LINGO1: variants seen among roughly 807,000 people sequenced by gnomAD.
LINGO1 encodes the protein leucine rich repeat and Ig domain containing 1, also known as leucine-rich repeat and immunoglobulin-like domain-containing nogo receptor-interacting protein 1.
A neutral mutation model predicts 37.3 loss-of-function variants in LINGO1; 11 were observed. The observed-to-expected ratio is 0.29, with a 90% CI of 0.19 to 0.49. The LOEUF (loss-of-function observed/expected upper bound fraction) is 0.49, where lower values mean the gene tolerates loss of function less well. Among genes scored for constraint, LINGO1 ranks in the 20% least tolerant of loss-of-function variants. The pLI, the probability that LINGO1 is intolerant of heterozygous loss-of-function variation, is 0.99. For synonymous variants in LINGO1, 387 were observed against 403.0 expected (o/e 0.96, Z 0.48); for missense variants, 585 against 878.2 (o/e 0.67, Z 4.22).
intron 2 of LINGO1, among the ~76,000 whole-genome samples, chr15:77,727,825 A>C (rs1280185596): frequency 2.0e-5 from 3 of 152,088 alleles, no homozygotes; most frequent in African/African-American, 7.2e-5. Context: ...GAGGTGAAGT[A>C]ATTTCCCCAA....
In LINGO1 at chr15:77,644,042, C is replaced by T. The variant is rs370376914; in HGVS notation, c.-12-28142G>A. Among the ~76,000 whole-genome samples, 178 of 152,370 alleles carry T rather than the reference C, an allele frequency of 1.2e-3. 2 individuals are homozygous for T. The highest frequency in any genetic ancestry group is 4.0e-3 in the African/African-American group (168 of 41,582). On this transcript the variant is annotated intron_variant, in intron 3 of 3. Coordinates refer to the LINGO1 transcript ENST00000559893. ...CAGAGCCACGGGGCAGGGCCCGGCA[C>T]TCAGGAGCCCTCCAGGGGAGAGTCC...
intron 3 of LINGO1, among the ~76,000 whole-genome samples, chr15:77,658,817 G>A (rs1307463902): frequency 1.3e-5 from 2 of 149,764 alleles, no homozygotes; most frequent in Non-Finnish European, 3.0e-5. Context: ...AAGATCTGGG[G>A]GGCAACAGAG....
chr15:77,785,891 CACCT>C (rs1388135840), intron 1 of LINGO1, among the ~76,000 whole-genome samples: 1 of 152,186 alleles, frequency 6.6e-6, no homozygotes, highest in Non-Finnish European at 1.5e-5. Flanking sequence ...AGGACCATGT[CACCT>C]ACTCATGATG....
chr15:77,704,015 G>A (rs368928004), intron 2 of LINGO1, among the ~76,000 whole-genome samples: 58 of 152,260 alleles, frequency 3.8e-4, no homozygotes, highest in African/African-American at 1.3e-3. Context: ...GTTTGAGTCC[G>A]GGCTCTCCCA....
chr15:77,804,879 G>A (rs1439877705), intron 1 of LINGO1, among the ~76,000 whole-genome samples: 2 of 152,204 alleles, frequency 1.3e-5, no homozygotes, highest in Non-Finnish European at 2.9e-5. Flanking sequence ...ACAGGAGTGA[G>A]AGGGTTCATT....
At chr15:77,659,130 G>A (rs866821831) in intron 3 of LINGO1, among the ~76,000 whole-genome samples, 18 of 152,172 alleles carry the variant, frequency 1.2e-4, no homozygotes, top group African/African-American at 3.9e-4. Flanking sequence ...GACTTCAGCC[G>A]TAGGGCAATG....
upstream of LINGO1, among the ~76,000 whole-genome samples, chr15:77,639,008 G>A (rs1022692210): frequency 2.0e-5 from 3 of 152,084 alleles, no homozygotes; most frequent in Non-Finnish European, 4.4e-5. Flanking sequence ...TTGCTATGAG[G>A]AGGGCCAGTT....
intron 3 of LINGO1, chr15:77,677,029 A>G (rs1280685584): frequency 1.3e-5 from 2 of 152,306 alleles, no homozygotes. Flanking sequence ...CCTCACACCC[A>G]GAGCCTCCCA....
chr15:77,816,414 C>G (rs926750982), intron 1 of LINGO1, among the ~76,000 whole-genome samples: 18 of 152,348 alleles, frequency 1.2e-4, no homozygotes, highest in Admixed American at 9.8e-4. Context: ...GCCCTCAGCC[C>G]CCACAAAGCT....
intron 1 of LINGO1, among the ~76,000 whole-genome samples, chr15:77,745,679 T>A (rs908690924): frequency 1.3e-5 from 2 of 152,194 alleles, no homozygotes; most frequent in Non-Finnish European, 2.9e-5. Context: ...AATCACCTCA[T>A]ACACAATTGC....
At chr15:77,804,501 G>C (rs933595066) in intron 1 of LINGO1, among the ~76,000 whole-genome samples, 2 of 152,200 alleles carry the variant, frequency 1.3e-5, no homozygotes, top group African/African-American at 4.8e-5. Context: ...AGCACAGGCT[G>C]GATAGGCAGA....
At chr15:77,804,669 G>A (rs1317443034) in intron 1 of LINGO1, among the ~76,000 whole-genome samples, 1 of 152,130 alleles carries the variant, frequency 6.6e-6, no homozygotes, top group Non-Finnish European at 1.5e-5. Flanking sequence ...CCCGGCTCCA[G>A]GCTGGAGGGC....
chr15:77,778,843 T>C (rs2076687027), intron 1 of LINGO1, among the ~76,000 whole-genome samples: 1 of 151,948 alleles, frequency 6.6e-6, no homozygotes, highest in Non-Finnish European at 1.5e-5. Context: ...ATGTCACTCC[T>C]TTGCTAAAAC....
At chr15:77,674,504 C>A (rs1025415733) in intron 3 of LINGO1, among the ~76,000 whole-genome samples, 1 of 152,068 alleles carries the variant, frequency 6.6e-6, no homozygotes, top group Admixed American at 6.6e-5. Flanking sequence ...GGTCCCTGTT[C>A]GGCTGCATGG....
chr15:77,705,223 C>T (rs2075837573), intron 2 of LINGO1, among the ~76,000 whole-genome samples: 1 of 92,924 alleles, frequency 1.1e-5, no homozygotes, highest in African/African-American at 3.5e-5. Context: ...ACTTCCAGCA[C>T]CCTGGACCTT....
intron 3 of LINGO1, among the ~76,000 whole-genome samples, chr15:77,663,447 A>G (rs2075042825): frequency 6.6e-6 from 1 of 152,208 alleles, no homozygotes; most frequent in African/African-American, 2.4e-5. Context: ...CTGGTGGGGT[A>G]GAACTCCACC....
intron 1 of LINGO1, among the ~76,000 whole-genome samples, chr15:77,815,619 G>C (rs1260313452): frequency 3.3e-5 from 5 of 152,102 alleles, no homozygotes; most frequent in African/African-American, 1.2e-4. Context: ...AGTATTGGAG[G>C]CTGCATCTAT....
chr15:77,776,904 A>C (rs994172892), intron 1 of LINGO1, among the ~76,000 whole-genome samples: 10 of 152,328 alleles, frequency 6.6e-5, no homozygotes, highest in Non-Finnish European at 1.5e-4. Context: ...AGGCATAGCC[A>C]AGGCCACCCA....
At chr15:77,701,437 C>T (rs185029288), upstream of LINGO1, among the ~76,000 whole-genome samples, 58 of 152,236 alleles carry the variant, frequency 3.8e-4, 1 homozygote, top group Admixed American at 3.7e-3. Context: ...TCCCACCTCC[C>T]TGGCGGGGTG....
Sources: allele counts gnomAD v4.1 joint callset (sites outside exome capture counted in the v4.1 genomes callset), GRCh38; gene constraint gnomAD v4.1.1; transcripts MANE v1.5; gene names NCBI Gene and HGNC (gene_info 2026-07-23, HGNC 2026-07-21).